DUSP8: variants seen among roughly 807,000 people sequenced by gnomAD.
DUSP8 encodes the protein dual specificity protein phosphatase 8.
Under a neutral mutation model 38.7 loss-of-function variants are expected in DUSP8, and 15 were observed. The ratio of observed to expected loss-of-function variants is 0.39; its 90% confidence interval spans 0.26 to 0.60. The LOEUF (loss-of-function observed/expected upper bound fraction) is 0.60, where lower values mean the gene tolerates loss of function less well. DUSP8 is among the 20% of genes least tolerant of loss of function. The pLI is 0.56. For synonymous variants in DUSP8, 458 were observed against 433.9 expected (o/e 1.06, Z -0.69); for missense variants, 768 against 915.0 (o/e 0.84, Z 2.07).
rs759936905 is a variant in DUSP8, at chr11:1,565,765, C to A, written c.62G>T (p.Arg21Leu). 3 of 1,611,346 alleles carry A rather than the reference C, an allele frequency of 1.9e-6. No individual in the cohort carries two copies. The highest frequency in any genetic ancestry group is 3.3e-5 in the Admixed American group (2 of 59,992). ...GACCAGCGGCCCCCCAGGCCCGCCC[C>A]GCAGCAGGCTGGCCAGCTTCTTGGC... ...MDAKKLASLL[R>L]GGPGGPLVID... is the part of the protein sequence containing the mutation. The change falls in exon 2 of 7, where the codon CGG becomes CTG. Residue 21 changes from arginine to leucine, a missense_variant. Arg to Leu is a moderately radical substitution (Grantham distance 102, BLOSUM62 -2). Coordinates refer to ENST00000397374, the MANE Select transcript of DUSP8 (RefSeq NM_004420.3).
chr11:1,557,035 C>T lies in DUSP8; in HGVS notation c.1361G>A (p.Arg454His), dbSNP rs942048949. 2.7e-5 allele frequency: 29 copies of T among 1,081,250 alleles called. No homozygotes were observed. Among genetic ancestry groups the T allele is most frequent in the East Asian group, 5.8e-5 (1 of 17,288 alleles). The allele number at this position is 1,081,250 out of a possible 1,614,324, so 67.0% of individuals were successfully genotyped here. Residue 454 changes from arginine to histidine, a missense_variant, in exon 7 of 7, where the codon CGC becomes CAC. By Grantham distance (29) the Arg-to-His change is conservative (BLOSUM62 0). This residue lies in a region of DUSP8 where 474 missense variants were observed against 430.8 expected (regional missense o/e 1.10). Coordinates refer to ENST00000397374, the MANE Select transcript of DUSP8 (RefSeq NM_004420.3). This position sits in a 1 kb window ranked among gnomAD's most constrained non-coding sequence, Gnocchi z 9.9. ...DAAPEARPRP[R>H]RRPRPPAGSP... ...GCCGGCGGGGGGCCGGGGCCGCCGG[C>T]GGGGCCGTGGGCGCGCCTCAGGCGC...
At chr11:1,564,788 T>C (rs1292300744) in intron 2 of DUSP8, among the ~76,000 whole-genome samples, 2 of 152,204 alleles carry the variant, frequency 1.3e-5, no homozygotes, top group East Asian at 3.8e-4. Context: ...AGGGAGCCGA[T>C]TCTGGCCTTG....
Position 1,565,906 on chromosome 11 carries a change from TG to T in DUSP8, c.-81del. 8.2e-7 allele frequency: 1 copy of T among 1,218,486 alleles called. No homozygotes were observed. Among genetic ancestry groups the T allele is most frequent in the South Asian group, 1.3e-5 (1 of 77,434 alleles). 75.5% of individuals were successfully genotyped at this position (1,218,486 alleles called of 1,614,324 possible). A position where few individuals can be genotyped will look rare whatever the true frequency, so the allele number is the denominator to read the frequency against. On this transcript the variant is annotated 5_prime_UTR_variant, in exon 2 of 7. Transcript: ENST00000397374. ...CGACGGCCCAGGTGTGGCCTCGCGC[TG>T]GGAGTGACCTAGCACATGGTGCTGG...
intron 1 of DUSP8, among the ~76,000 whole-genome samples, chr11:1,570,257 G>A (rs1848867086): frequency 6.6e-6 from 1 of 152,152 alleles, no homozygotes; most frequent in Non-Finnish European, 1.5e-5. Flanking sequence ...TGGTCACTGT[G>A]CCACATGCTA....
chr11:1,560,066 C>T (rs1304348393), intron 3 of DUSP8, among the ~76,000 whole-genome samples: 1 of 152,202 alleles, frequency 6.6e-6, no homozygotes, highest in Non-Finnish European at 1.5e-5. Context: ...AGAAACTGGG[C>T]AGCACCCACC....
At position 1,572,233 on chromosome 11, in the gene DUSP8, T is replaced by G. The variant is rs1848916135; in HGVS notation, c.-441A>C. 7.2e-6 allele frequency among the ~76,000 whole-genome samples: 1 copy of G among 138,474 alleles called. No homozygotes were observed. The highest frequency in any genetic ancestry group is 2.7e-5 in the African/African-American group (1 of 37,216). The allele number at this position is 138,474 out of a possible 152,430, so 90.8% of individuals were successfully genotyped here. ...GCGTCCGGCGTCCGGCGGGGCGTCGTGGGGGGAGCCGGCTCGGCCGCCGCG... is the reference window on the plus strand; with the variant it reads ...GCGTCCGGCGTCCGGCGGGGCGTCGGGGGGGGAGCCGGCTCGGCCGCCGCG... On this transcript the variant is annotated 5_prime_UTR_variant, in exon 1 of 7. Transcript: ENST00000397374. This position sits in a 1 kb window ranked among gnomAD's most constrained non-coding sequence, Gnocchi z 4.7.
Position 1,556,810 on chromosome 11 carries a change from T to A in DUSP8, c.1586A>T (p.Glu529Val). Reference protein sequence around the residue: ...SPDGPWCFSPEGAQGAGGVLF... With the variant: ...SPDGPWCFSPVGAQGAGGVLF... ...CACCCCGCCCGCCCCCTGTGCGCCCTCGGGGCTGAAGCACCAGGGCCCGTC... is the reference window on the plus strand; with the variant it reads ...CACCCCGCCCGCCCCCTGTGCGCCCACGGGGCTGAAGCACCAGGGCCCGTC... The change falls in exon 7 of 7, where the codon GAG becomes GTG. Residue 529 changes from glutamate to valine, a missense_variant. Coordinates refer to ENST00000397374, the MANE Select transcript of DUSP8 (RefSeq NM_004420.3). The surrounding 1 kb of genome is among the most constrained non-coding windows in gnomAD (Gnocchi z 5.2). 8.6e-7 allele frequency: 1 copy of A among 1,167,798 alleles called. No individual in the cohort carries two copies. The highest frequency in any genetic ancestry group is 3.9e-5 in the East Asian group (1 of 25,546). 72.3% of individuals were successfully genotyped at this position (1,167,798 alleles called of 1,614,324 possible).
chr11:1,570,094 G>A (rs1365245334), intron 1 of DUSP8, among the ~76,000 whole-genome samples: 1 of 152,186 alleles, frequency 6.6e-6, no homozygotes, highest in Non-Finnish European at 1.5e-5. Flanking sequence ...GGGAGAAAGT[G>A]GGGTGGGGCG....
chr11:1,561,393 G>A (rs1848714474), intron 3 of DUSP8, among the ~76,000 whole-genome samples: 1 of 152,202 alleles, frequency 6.6e-6, no homozygotes, highest in Non-Finnish European at 1.5e-5. Flanking sequence ...ACGCACTTCT[G>A]CCCGCCACCT....
Position 1,555,499 on chromosome 11 carries a change from G to GCCCCC in DUSP8, c.*1018_*1019insGGGGG. 1 of 348,842 alleles carries GCCCCC rather than the reference G, an allele frequency of 2.9e-6. No individual in the cohort carries two copies. Among genetic ancestry groups the GCCCCC allele is most frequent in the Non-Finnish European group, 4.0e-6 (1 of 248,816 alleles). 21.6% of individuals were successfully genotyped at this position (348,842 alleles called of 1,614,324 possible). ...GGGGCATGGCTGGGAGGGGGGCGGG[G>GCCCCC]CAGACCTGGAACAGAACCCTAAGAC... On this transcript the variant is annotated 3_prime_UTR_variant, in exon 7 of 7. Coordinates refer to ENST00000397374, the MANE Select transcript of DUSP8 (RefSeq NM_004420.3).
chr11:1,572,224 G>A lies in DUSP8; in HGVS notation c.-432C>T, dbSNP rs1848915884. 1.4e-5 allele frequency among the ~76,000 whole-genome samples: 2 copies of A among 146,216 alleles called. No individual in the cohort carries two copies. On this transcript the variant is annotated 5_prime_UTR_variant, in exon 1 of 7. Transcript: ENST00000397374. This position sits in a 1 kb window ranked among gnomAD's most constrained non-coding sequence, Gnocchi z 4.7. ...CGGGCTCGGGCGTCCGGCGTCCGGC[G>A]GGGCGTCGTGGGGGGAGCCGGCTCG...
rs1431313039 is a variant in DUSP8 at position 1,556,890 on chromosome 11, C to T, written c.1506G>A (p.Pro502=). ...GCGGTGCCCAGGCCCCGGGGCCGGC[C>T]GGCTGGCCAGGGCCGGGCAGCCCGG... ...SAPGLPGPGQ[P]AGPGAWAPPL... The change falls in exon 7 of 7, where the codon CCG becomes CCA. Residue 502 remains proline, a synonymous_variant. Transcript: ENST00000397374. This position sits in a 1 kb window ranked among gnomAD's most constrained non-coding sequence, Gnocchi z 5.2. 1.6e-5 allele frequency: 18 copies of T among 1,096,850 alleles called. No homozygotes were observed. Among genetic ancestry groups the T allele is most frequent in the African/African-American group, 8.4e-5 (5 of 59,184 alleles). The allele number at this position is 1,096,850 out of a possible 1,614,324, so 67.9% of individuals were successfully genotyped here. A position where few individuals can be genotyped will look rare whatever the true frequency, so the allele number is the denominator to read the frequency against.
rs1051815992 is a variant in DUSP8 at position 1,572,144 on chromosome 11, G to T, written c.-352C>A. 2.7e-5 allele frequency among the ~76,000 whole-genome samples: 4 copies of T among 145,552 alleles called. No homozygotes were observed. The highest frequency in any genetic ancestry group is 2.0e-4 in the Admixed American group (3 of 14,686). On this transcript the variant is annotated 5_prime_UTR_variant, in exon 1 of 7. Transcript: ENST00000397374. The surrounding 1 kb of genome is among the most constrained non-coding windows in gnomAD (Gnocchi z 4.7). ...CTCGCGGCGCGCATCCCAGCCCCGC[G>T]GCTCGGCGGGCGCGGCCGGGAGGTT...
rs1047390745 is a variant in DUSP8, at chr11:1,559,226, C to A, written c.371-171G>T. 10 of 588,244 alleles carry A rather than the reference C, an allele frequency of 1.7e-5. No individual in the cohort carries two copies. The South Asian group carries it at 2.6e-4, about 15-fold the overall frequency. The allele number at this position is 588,244 out of a possible 1,614,324, so 36.4% of individuals were successfully genotyped here. ...GCCTCTGGCGGAGCACCTGCTCTGC[C>A]CGCGGTGGGGGGAGGGGGTACTGCC... On this transcript the variant is annotated intron_variant, in intron 3 of 6. Coordinates refer to ENST00000397374, the MANE Select transcript of DUSP8 (RefSeq NM_004420.3).
chr11:1,561,905 G>A (rs1236400661), intron 3 of DUSP8, among the ~76,000 whole-genome samples: 1 of 152,216 alleles, frequency 6.6e-6, no homozygotes, highest in African/African-American at 2.4e-5. Flanking sequence ...GAGGGAGCCT[G>A]AGGGCAGAGC....
chr11:1,559,364 A>AGGG, intron 3 of DUSP8: 1 of 306,388 alleles, frequency 3.3e-6, no homozygotes, highest in South Asian at 5.8e-5. Flanking sequence ...GTGGCTGGCC[A>AGGG]TCACGGCACG....
At chr11:1,562,251 T>C (rs1848727894) in intron 3 of DUSP8, among the ~76,000 whole-genome samples, 1 of 152,178 alleles carries the variant, frequency 6.6e-6, no homozygotes, top group African/African-American at 2.4e-5. Flanking sequence ...CTTGGGACTT[T>C]CCTGGGATCT....
intron 2 of DUSP8, among the ~76,000 whole-genome samples, chr11:1,564,995 A>C (rs1848780356): frequency 6.6e-6 from 1 of 152,190 alleles, no homozygotes; most frequent in African/African-American, 2.4e-5. Context: ...GTCCCTCCCC[A>C]GCTGCACCTG....
chr11:1,562,671 A>ACACATACATGCATGCACATGCACG (rs1554938445), intron 3 of DUSP8, among the ~76,000 whole-genome samples: 4 of 148,370 alleles, frequency 2.7e-5, no homozygotes, highest in Non-Finnish European at 4.5e-5. Flanking sequence ...GTACATGCAC[A>ACACATACATGCATGCACATGCACG]CACATACATG....
Sources: gnomAD v4.1 joint callset for allele counts (sites outside exome capture counted in the v4.1 genomes callset) on GRCh38, gnomAD v4.1.1 for gene constraint, gnomAD v4.1.1 regional missense constraint, Gnocchi (gnomAD v3.1) non-coding constraint, MANE v1.5 for transcripts, NCBI Gene and HGNC (gene_info 2026-07-23, HGNC 2026-07-21) for gene names.